SLC10A7: variants seen among roughly 807,000 people sequenced by gnomAD.
SLC10A7 encodes sodium/bile acid cotransporter 7.
A neutral mutation model predicts 43.2 loss-of-function variants in SLC10A7; 29 were observed. The ratio of observed to expected loss-of-function variants is 0.67; its 90% CI spans 0.50 to 0.92. SLC10A7 has a LOEUF of 0.92. Ranked by LOEUF, SLC10A7 falls within the 40% of genes least tolerant of loss-of-function variation. The probability of loss-of-function intolerance (pLI) is 0.00; values close to 1 mark genes in which losing one functional copy is unlikely to be tolerated. For synonymous variants in SLC10A7, 152 were observed against 144.8 expected (o/e 1.05, Z -0.35); for missense variants, 295 against 403.2 (o/e 0.73, Z 2.30).
chr4:146,261,636 A>G (rs1728231282), intron 10 of SLC10A7, among the ~76,000 whole-genome samples: 1 of 152,214 alleles, frequency 6.6e-6, no homozygotes. Context: ...GATCACTTGC[A>G]GCTGCGGCCA....
chr4:146,328,170 T>C (rs1733284249), intron 5 of SLC10A7, among the ~76,000 whole-genome samples: 1 of 151,904 alleles, frequency 6.6e-6, no homozygotes, highest in African/African-American at 2.4e-5. Context: ...TACCTGCTAC[T>C]GCCACCTGCA....
intron 4 of SLC10A7, among the ~76,000 whole-genome samples, chr4:146,455,512 C>G (rs955496398): frequency 6.6e-6 from 1 of 151,930 alleles, no homozygotes; most frequent in Non-Finnish European, 1.5e-5. Context: ...TATTTCTGCT[C>G]TTTTCCATCC....
At chr4:146,372,977 C>T (rs1736899134) in intron 5 of SLC10A7, among the ~76,000 whole-genome samples, 1 of 152,266 alleles carries the variant, frequency 6.6e-6, no homozygotes, top group Middle Eastern at 3.4e-3. Context: ...TTCAATAGGT[C>T]TGTCTTGAAG....
intron 5 of SLC10A7, among the ~76,000 whole-genome samples, chr4:146,399,493 G>A (rs1396897371): frequency 6.7e-6 from 1 of 149,040 alleles, no homozygotes; most frequent in Non-Finnish European, 1.5e-5. Flanking sequence ...TAGAGTAGAA[G>A]GAGGTGGACC....
At chr4:146,472,564 C>G (rs1039337404) in intron 4 of SLC10A7, among the ~76,000 whole-genome samples, 6 of 151,848 alleles carry the variant, frequency 4.0e-5, no homozygotes, top group African/African-American at 7.3e-5. Flanking sequence ...GGGCAGCGGG[C>G]TCATGCATTA....
At chr4:146,517,154 G>A in intron 1 of SLC10A7, 34 bp from the exon 2 acceptor site, 1 of 1,516,644 alleles carries the variant, frequency 6.6e-7, no homozygotes, top group Non-Finnish European at 9.1e-7. Flanking sequence ...TGCTAGAAAA[G>A]AATTTCAGTA....
chr4:146,361,597 A>G (rs376471603), intron 5 of SLC10A7, among the ~76,000 whole-genome samples: 1 of 152,182 alleles, frequency 6.6e-6, no homozygotes, highest in Non-Finnish European at 1.5e-5. Flanking sequence ...ATTCCTGGAA[A>G]GCCCTCTCAA....
chr4:146,447,967 AC>A (rs1216109802), intron 4 of SLC10A7, among the ~76,000 whole-genome samples: 10 of 151,648 alleles, frequency 6.6e-5, no homozygotes, highest in Admixed American at 2.0e-4. Flanking sequence ...TATCGCAAGG[AC>A]AAAAAACCAA....
Position 146,322,683 on chromosome 4 carries a change from C to T in SLC10A7, c.471+3278G>A, listed in dbSNP as rs775006891. ...TGTGAATAGTACCACAATAAACATA[C>T]GTGTGCATGTGTCTTTATAGCAGCA... On this transcript the variant is annotated intron_variant, in intron 6 of 11. Transcript: ENST00000335472. Among the ~76,000 whole-genome samples, 11 of 152,034 alleles carry T rather than the reference C, an allele frequency of 7.2e-5. No individual in the cohort carries two copies. In the South Asian group the frequency reaches 8.3e-4, roughly 11 times the overall value.
At chr4:146,360,260 T>C (rs1192293926) in intron 5 of SLC10A7, among the ~76,000 whole-genome samples, 2 of 151,760 alleles carry the variant, frequency 1.3e-5, no homozygotes, top group African/African-American at 2.4e-5. Flanking sequence ...GTCTCCAAAC[T>C]CCAGTCTAGC....
In SLC10A7 at chr4:146,359,595, T is replaced by A. The variant is rs78579282; in HGVS notation, c.436-33599A>T. On this transcript the variant is annotated intron_variant, in intron 5 of 11. Transcript: ENST00000335472. ...GGGTGTTAAGGGGTGACAGTAATAT[T>A]GCTTTCTGCTCATACCCAACAGCAT... Among the ~76,000 whole-genome samples, 386 of 152,252 alleles carry A rather than the reference T, an allele frequency of 2.5e-3. 1 individual carries two copies. The highest frequency in any genetic ancestry group is 0.01 in the Middle Eastern group (3 of 294).
At chr4:146,351,698 C>T (rs1215149939) in intron 5 of SLC10A7, among the ~76,000 whole-genome samples, 1 of 150,582 alleles carries the variant, frequency 6.6e-6, no homozygotes, top group Non-Finnish European at 1.5e-5. Flanking sequence ...TGGCAGAAAC[C>T]CTACAAGCCA....
At chr4:146,396,456 G>C (rs1431611502) in intron 5 of SLC10A7, among the ~76,000 whole-genome samples, 1 of 152,052 alleles carries the variant, frequency 6.6e-6, no homozygotes, top group Non-Finnish European at 1.5e-5. Context: ...AAGGTTGATA[G>C]TTTTAGATTA....
At chr4:146,381,390 C>A (rs1329126994) in intron 5 of SLC10A7, among the ~76,000 whole-genome samples, 3 of 152,092 alleles carry the variant, frequency 2.0e-5, no homozygotes, top group Non-Finnish European at 4.4e-5. Flanking sequence ...CTAACATTGC[C>A]ATGCACAGCA....
At chr4:146,405,821 T>TG (rs911992828) in intron 5 of SLC10A7, among the ~76,000 whole-genome samples, 2 of 151,956 alleles carry the variant, frequency 1.3e-5, no homozygotes, top group Non-Finnish European at 2.9e-5. Flanking sequence ...AGGAAGAGTT[T>TG]TTTTTTTTTG....
chr4:146,383,451 T>C lies in SLC10A7; in HGVS notation c.436-57455A>G, dbSNP rs113591591. ...TGTAATCTCATTTCATCCTCTTCAT[T>C]TGCATAGAGCATACACCAAGTAAGC... On this transcript the variant is annotated intron_variant, in intron 5 of 11. Coordinates refer to ENST00000335472, the MANE Select transcript of SLC10A7 (RefSeq NM_001029998.6). Among the ~76,000 whole-genome samples, 1,011 of 152,246 alleles carry C rather than the reference T, an allele frequency of 6.6e-3. 9 individuals carry two copies. The highest frequency in any genetic ancestry group is 0.023 in the African/African-American group (947 of 41,560).
intron 5 of SLC10A7, among the ~76,000 whole-genome samples, chr4:146,326,913 GACAGACAC>G (rs1733147034): frequency 3.3e-5 from 1 of 30,064 alleles, no homozygotes; most frequent in South Asian, 2.5e-3. Flanking sequence ...AAAAGAGAGG[GACAGACAC>G]ACACACACAC....
chr4:146,335,323 C>A (rs1268349661), intron 5 of SLC10A7, among the ~76,000 whole-genome samples: 2 of 135,052 alleles, frequency 1.5e-5, no homozygotes, highest in African/African-American at 2.8e-5. Context: ...ACTCATAGAA[C>A]AGCAAGCAGC....
intron 5 of SLC10A7, among the ~76,000 whole-genome samples, chr4:146,354,432 A>G (rs575911911): frequency 5.8e-4 from 88 of 152,190 alleles, no homozygotes; most frequent in African/African-American, 2.1e-3. Context: ...ATGGGTAGGA[A>G]GAATCAATAT....
Sources: gnomAD v4.1 joint callset for allele counts (sites outside exome capture counted in the v4.1 genomes callset) on GRCh38, gnomAD v4.1.1 for gene constraint, MANE v1.5 for transcripts, NCBI Gene and HGNC (gene_info 2026-07-23, HGNC 2026-07-21) for gene names.